Variants in EXD1 observed in about 807,000 individuals in gnomAD.
EXD1 encodes piRNA biogenesis protein EXD1.
A neutral mutation model predicts 49.1 loss-of-function variants in EXD1; 63 were observed. The observed-to-expected ratio is 1.28, with a 90% CI of 1.05 to 1.58. The LOEUF is 1.58. EXD1 is among the 40% of genes most tolerant of loss of function. The pLI, the probability that EXD1 is intolerant of heterozygous loss-of-function variation, is 0.00. For missense variants in EXD1, 748 were observed against 666.0 expected, an observed-to-expected ratio of 1.12 and a Z score of -1.36; for synonymous variants, 234 against 239.2, an observed-to-expected ratio of 0.98 and a Z score of 0.20.
intron 7 of EXD1, among the ~76,000 whole-genome samples, chr15:41,200,741 G>A (rs2046715678): frequency 6.6e-6 from 1 of 152,108 alleles, no homozygotes. Context: ...TGTGGGGTCT[G>A]ACACTATTTC....
intron 2 of EXD1, among the ~76,000 whole-genome samples, chr15:41,220,196 A>G (rs1424767094): frequency 6.6e-6 from 1 of 152,094 alleles, no homozygotes; most frequent in Non-Finnish European, 1.5e-5. Flanking sequence ...TTTGGGGTTA[A>G]GAACTATCTA....
intron 6 of EXD1, among the ~76,000 whole-genome samples, chr15:41,215,466 C>G (rs1357435448): frequency 6.6e-6 from 1 of 152,026 alleles, no homozygotes; most frequent in African/African-American, 2.4e-5. Flanking sequence ...GCGGGTGGAT[C>G]ACGAGGTCAG....
At chr15:41,199,869 AT>A (rs1268152107) in intron 7 of EXD1, among the ~76,000 whole-genome samples, 5 of 143,726 alleles carry the variant, frequency 3.5e-5, no homozygotes, top group African/African-American at 1.0e-4. Flanking sequence ...TATGATCTGT[AT>A]ATATATCATA....
intron 7 of EXD1, among the ~76,000 whole-genome samples, chr15:41,198,926 C>T (rs957676089): frequency 6.6e-6 from 1 of 151,006 alleles, no homozygotes; most frequent in African/African-American, 2.4e-5. Flanking sequence ...CCTAGGCCTC[C>T]CAAAGTACTG....
chr15:41,191,910 G>T, intron 9 of EXD1: 1 of 217,156 alleles, frequency 4.6e-6, no homozygotes, highest in Non-Finnish European at 9.1e-6. Context: ...CCGAGTAGCT[G>T]GGACTACAGG....
intron 7 of EXD1, among the ~76,000 whole-genome samples, chr15:41,202,823 C>T (rs2046753194): frequency 1.3e-5 from 2 of 150,602 alleles, no homozygotes; most frequent in African/African-American, 2.4e-5. Flanking sequence ...GAGGCTGAGG[C>T]GCGAGAATCG....
intron 7 of EXD1, among the ~76,000 whole-genome samples, chr15:41,207,552 A>G (rs775219554): frequency 8.5e-5 from 13 of 152,080 alleles, no homozygotes; most frequent in African/African-American, 1.2e-4. Flanking sequence ...CAAAAAAAAA[A>G]TAATAAAAAA....
chr15:41,207,451 A>T (rs957931425), intron 7 of EXD1, among the ~76,000 whole-genome samples: 2 of 151,980 alleles, frequency 1.3e-5, no homozygotes, highest in African/African-American at 4.8e-5. Context: ...GAGGCAGGAG[A>T]ATTTCTTGAA....
At chr15:41,193,581 A>T (rs2046565306) in intron 9 of EXD1, among the ~76,000 whole-genome samples, 1 of 152,100 alleles carries the variant, frequency 6.6e-6, no homozygotes, top group Non-Finnish European at 1.5e-5. Context: ...TCTTAAAAAA[A>T]TTTTAAAAAT....
At position 41,190,136 on chromosome 15, in the gene EXD1, CA is replaced by C; in HGVS notation, c.865-9del. The C allele has an allele frequency of 1.2e-6, 2 of 1,613,770 alleles. No homozygotes were observed. Among genetic ancestry groups the C allele is most frequent in the Non-Finnish European group, 1.7e-6 (2 of 1,179,834 alleles). The stretch of plus-strand genomic sequence containing the variant: ...CCATACTTCTGGATTTTCCTGGAGA[CA>C]ATAAAACAATTTCCTCTGAACAGTA... On this transcript the variant is annotated splice_polypyrimidine_tract_variant and intron_variant, in intron 10 of 11. Transcript: ENST00000458580.
chr15:41,214,094 G>A (rs1237509972), intron 6 of EXD1, among the ~76,000 whole-genome samples: 2 of 152,124 alleles, frequency 1.3e-5, no homozygotes, highest in African/African-American at 2.4e-5. Context: ...GTGAACCCGG[G>A]AGGTGGAGCT....
At chr15:41,196,116 A>C (rs886109406) in intron 7 of EXD1, 79 bp from the exon 8 acceptor site, 2 of 995,720 alleles carry the variant, frequency 2.0e-6, no homozygotes, top group Non-Finnish European at 1.5e-6. Context: ...GAAGAGTAAA[A>C]GACGTGATAA....
intron 11 of EXD1, among the ~76,000 whole-genome samples, chr15:41,185,238 T>G (rs1448434242): frequency 6.7e-6 from 1 of 150,238 alleles, no homozygotes; most frequent in African/African-American, 2.5e-5. Flanking sequence ...CCAAAGATAG[T>G]CTACTCATGT....
At chr15:41,187,724 C>G (rs936198045) in intron 11 of EXD1, among the ~76,000 whole-genome samples, 4 of 151,868 alleles carry the variant, frequency 2.6e-5, no homozygotes, top group African/African-American at 9.7e-5. Context: ...ATAAAAAATG[C>G]TAGTATTAGG....
intron 2 of EXD1, among the ~76,000 whole-genome samples, chr15:41,220,911 G>C (rs2047078528): frequency 6.6e-6 from 1 of 151,794 alleles, no homozygotes; most frequent in South Asian, 2.1e-4. Context: ...CGACAATACT[G>C]TTCTCTCATT....
Position 41,218,027 on chromosome 15 carries a change from G to C in EXD1, c.203-873C>G, listed in dbSNP as rs190625300. Among the ~76,000 whole-genome samples, 6 of 152,134 alleles carry C rather than the reference G, an allele frequency of 3.9e-5. No homozygotes were observed. The East Asian group carries it at 7.7e-4, about 20-fold the overall frequency. On this transcript the variant is annotated intron_variant, in intron 3 of 11. Transcript: ENST00000458580. The stretch of plus-strand genomic sequence containing the variant: ...GGGACAACTCCTCCATGGTTGATTG[G>C]GCCACAGGACAAAGACAGAAATGAC...
At chr15:41,218,253 G>T (rs980471191) in intron 3 of EXD1, among the ~76,000 whole-genome samples, 2 of 152,028 alleles carry the variant, frequency 1.3e-5, no homozygotes, top group African/African-American at 4.8e-5. Flanking sequence ...GGGAGGGTGA[G>T]GGGGGTGAAT....
chr15:41,226,444 T>C lies in EXD1; in HGVS notation c.132A>G (p.Lys44=). 2 of 1,535,982 alleles carry C rather than the reference T, an allele frequency of 1.3e-6. No homozygotes were observed. The highest frequency in any genetic ancestry group is 1.7e-6 in the Non-Finnish European group (2 of 1,146,848). The change falls in exon 2 of 12, where the codon AAA becomes AAG. Residue 44 remains lysine, a splice_region_variant and synonymous_variant. Transcript: ENST00000458580. The stretch of plus-strand genomic sequence containing the variant: ...ACATTATAAGAAATAGAACAAGACC[T>C]TTCTTCAGGACAACAATCTTATTAG... ...VDPNKIVVLK[K]VKNVETGRSV...
chr15:41,227,063 ACT>A (rs1332048909), intron 1 of EXD1, among the ~76,000 whole-genome samples: 1 of 152,202 alleles, frequency 6.6e-6, no homozygotes, highest in Non-Finnish European at 1.5e-5. Flanking sequence ...ATTTTTTATA[ACT>A]CTGGTTGAGA....
Sources: gnomAD v4.1 joint callset for allele counts (sites outside exome capture counted in the v4.1 genomes callset) on GRCh38, gnomAD v4.1.1 for gene constraint, MANE v1.5 for transcripts, NCBI Gene and HGNC (gene_info 2026-07-23, HGNC 2026-07-21) for gene names.